FRMD5: variants seen among roughly 807,000 people sequenced by gnomAD.
FRMD5 encodes the protein FERM domain containing 5.
FRMD5 carries 20 observed loss-of-function variants against 69.0 expected under a neutral mutation model. The observed-to-expected ratio is 0.29, with a 90% CI of 0.20 to 0.42. The LOEUF is 0.42. FRMD5 is among the 10% of genes least tolerant of loss of function. FRMD5 has a pLI of 1.00. For missense variants in FRMD5, 595 were observed against 708.6 expected, an observed-to-expected ratio of 0.84 and a Z score of 1.82; for synonymous variants, 271 against 260.1, an observed-to-expected ratio of 1.04 and a Z score of -0.40.
chr15:44,148,760 A>G (rs1365430125), intron 1 of FRMD5, among the ~76,000 whole-genome samples: 2 of 152,222 alleles, frequency 1.3e-5, no homozygotes, highest in Non-Finnish European at 2.9e-5. Context: ...GTATAGCATA[A>G]ACATAACTCT....
chr15:44,102,342 A>C (rs2076652817), intron 1 of FRMD5, among the ~76,000 whole-genome samples: 1 of 152,220 alleles, frequency 6.6e-6, no homozygotes, highest in African/African-American at 2.4e-5. Context: ...TTGAGTTCTG[A>C]GAAGGAAGGA....
At chr15:43,902,024 T>G in intron 7 of FRMD5, 151 bp downstream of exon 7, 1 of 655,310 alleles carries the variant, frequency 1.5e-6, no homozygotes, top group Admixed American at 2.5e-5. Context: ...TCCAGAGGAG[T>G]TTTCAAAGCA....
intron 1 of FRMD5, among the ~76,000 whole-genome samples, chr15:44,024,552 C>A (rs951067002): frequency 5.3e-5 from 8 of 152,154 alleles, no homozygotes; most frequent in African/African-American, 1.9e-4. Context: ...ATAAAGTTAT[C>A]ATTTCATACG....
intron 1 of FRMD5, among the ~76,000 whole-genome samples, chr15:43,956,031 G>A (rs1175439092): frequency 1.3e-5 from 2 of 152,134 alleles, no homozygotes; most frequent in Admixed American, 1.3e-4. Flanking sequence ...TGGATAAAAA[G>A]GGAAGGCTCA....
chr15:44,080,117 TACC>T (rs1893936544), intron 1 of FRMD5, among the ~76,000 whole-genome samples: 1 of 152,102 alleles, frequency 6.6e-6, no homozygotes, highest in Admixed American at 6.6e-5. Flanking sequence ...ATATATATTT[TACC>T]ACAACTAAAA....
chr15:43,900,301 G>A (rs555057035), intron 7 of FRMD5, among the ~76,000 whole-genome samples: 1 of 152,310 alleles, frequency 6.6e-6, no homozygotes, highest in Admixed American at 6.5e-5. Context: ...AATTTATGGA[G>A]GGGTTTAAAC....
chr15:44,183,021 A>T (rs2078035349), intron 1 of FRMD5, among the ~76,000 whole-genome samples: 2 of 150,020 alleles, frequency 1.3e-5, no homozygotes, highest in Admixed American at 6.7e-5. Context: ...GATGGTCTCG[A>T]TCTCCTGACC....
intron 1 of FRMD5, among the ~76,000 whole-genome samples, chr15:43,941,501 T>C (rs2089862935): frequency 6.6e-6 from 1 of 152,230 alleles, no homozygotes; most frequent in Non-Finnish European, 1.5e-5. Flanking sequence ...GTCAATATGT[T>C]GTATCTGCTT....
intron 1 of FRMD5, among the ~76,000 whole-genome samples, chr15:43,925,956 G>T (rs143232898): frequency 6.6e-6 from 1 of 152,188 alleles, no homozygotes; most frequent in East Asian, 1.9e-4. Flanking sequence ...TAATTATCTT[G>T]TTGATTTGTT....
intron 1 of FRMD5, 100 bp downstream of exon 1, chr15:44,194,847 CGCTGGG>C (rs1200161762): frequency 5.3e-6 from 5 of 943,346 alleles, no homozygotes; most frequent in Non-Finnish European, 8.2e-6. Flanking sequence ...CAAAGCACGG[CGCTGGG>C]GCTGGGGCGA....
upstream of FRMD5, among the ~76,000 whole-genome samples, chr15:44,198,900 G>A (rs1292405011): frequency 6.6e-6 from 1 of 152,090 alleles, no homozygotes; most frequent in East Asian, 1.9e-4. Context: ...AAATTATAAT[G>A]GCTCTGAACC....
At chr15:44,170,995 G>A (rs148289722) in intron 1 of FRMD5, among the ~76,000 whole-genome samples, 27 of 152,128 alleles carry the variant, frequency 1.8e-4, no homozygotes, top group African/African-American at 4.6e-4. Context: ...TTTAATTGAT[G>A]TAATCTCTTC....
intron 1 of FRMD5, among the ~76,000 whole-genome samples, chr15:44,103,891 G>A (rs542648865): frequency 2.9e-4 from 44 of 152,276 alleles, no homozygotes; most frequent in African/African-American, 9.9e-4. Flanking sequence ...AATGTAATGC[G>A]TTACTCATAT....
intron 1 of FRMD5, among the ~76,000 whole-genome samples, chr15:44,173,901 A>G (rs2077848427): frequency 6.6e-6 from 1 of 152,182 alleles, no homozygotes; most frequent in African/African-American, 2.4e-5. Flanking sequence ...ACTAAAATGT[A>G]TAAAGTACTT....
At chr15:44,075,450 TA>T (rs1230303437) in intron 1 of FRMD5, among the ~76,000 whole-genome samples, 2 of 152,022 alleles carry the variant, frequency 1.3e-5, no homozygotes, top group East Asian at 1.9e-4. Context: ...TTTCCATCAT[TA>T]AAAAAAAGTT....
intron 1 of FRMD5, among the ~76,000 whole-genome samples, chr15:43,946,414 T>A (rs1595546760): frequency 6.6e-6 from 1 of 152,172 alleles, no homozygotes; most frequent in Admixed American, 6.5e-5. Flanking sequence ...GCTGGCAGAG[T>A]CTGAGCACTA....
chr15:44,177,071 A>G (rs972711273), intron 1 of FRMD5, among the ~76,000 whole-genome samples: 1 of 151,788 alleles, frequency 6.6e-6, no homozygotes, highest in African/African-American at 2.4e-5. Context: ...AAAGGGTTTG[A>G]GCACTGTGGA....
chr15:44,000,452 T>A (rs150219011), intron 1 of FRMD5, among the ~76,000 whole-genome samples: 5 of 151,922 alleles, frequency 3.3e-5, no homozygotes, highest in African/African-American at 9.7e-5. Flanking sequence ...GATCACATGG[T>A]AGTTCTATTT....
At chr15:43,940,190 C>T (rs2089838337) in intron 1 of FRMD5, among the ~76,000 whole-genome samples, 1 of 152,108 alleles carries the variant, frequency 6.6e-6, no homozygotes, top group African/African-American at 2.4e-5. Flanking sequence ...AAACAAACAA[C>T]AACAACGACA....
Sources: gnomAD v4.1 joint callset for allele counts (sites outside exome capture counted in the v4.1 genomes callset) on GRCh38, gnomAD v4.1.1 for gene constraint, MANE v1.5 for transcripts, NCBI Gene and HGNC (gene_info 2026-07-23, HGNC 2026-07-21) for gene names.